CASKIN1: variants seen among roughly 807,000 people sequenced by gnomAD.
CASKIN1 encodes the protein caskin-1.
A neutral mutation model predicts 117.5 loss-of-function variants in CASKIN1; 42 were observed. The observed-to-expected ratio is 0.36, with a 90% CI of 0.28 to 0.46. The LOEUF (loss-of-function observed/expected upper bound fraction) is 0.46, where lower values mean the gene tolerates loss of function less well. Ranked by LOEUF, CASKIN1 falls within the 20% of genes least tolerant of loss-of-function variation. CASKIN1 has a pLI of 1.00. For missense variants in CASKIN1, 2,083 were observed against 2,077.3 expected (o/e 1.00, Z -0.05); for synonymous variants, 1,148 against 961.7 (o/e 1.19, Z -3.59).
chr16:2,178,653 G>A lies in CASKIN1; in HGVS notation c.4200-7C>T. On this transcript the variant is annotated splice_region_variant and splice_polypyrimidine_tract_variant and intron_variant, in intron 19 of 19. Transcript: ENST00000343516. ...CTTTTCCGCCGCCGAGTCGCTGCGG[G>A]GCGCGGGGCAAGGGGCGTGAGTGGG... The A allele has an allele frequency of 9.5e-6, 15 of 1,584,624 alleles. No homozygotes were observed. Among genetic ancestry groups the A allele is most frequent in the Non-Finnish European group, 1.3e-5 (15 of 1,172,782 alleles).
chr16:2,185,914 C>T (rs1233698846), intron 10 of CASKIN1, among the ~76,000 whole-genome samples: 1 of 152,262 alleles, frequency 6.6e-6, no homozygotes, highest in African/African-American at 2.4e-5. Flanking sequence ...CCAGCTCTTG[C>T]CTGCCTCAGC....
chr16:2,187,593 A>G (rs2093188691), intron 6 of CASKIN1, 132 bp from the exon 7 acceptor site: 2 of 684,066 alleles, frequency 2.9e-6, no homozygotes, highest in Non-Finnish European at 5.0e-6. Flanking sequence ...GCCCTGCCCC[A>G]TGTCTCTGAC....
rs769767843 is a variant in CASKIN1, at chr16:2,180,397, C to T, written c.2971G>A (p.Gly991Ser). ...CCGGCACTACCCGTGTCCACGCTGC[C>T]GGCCAGGTCACTGGCCCGCCGGCAC... ...AQCRRASDLA[G>S]SVDTGSAGSV... The change falls in exon 18 of 20, where the codon GGC (glycine) becomes AGC (serine). Residue 991 changes from glycine (G) to serine (S), a missense_variant. By Grantham distance (56) the Gly-to-Ser change is moderately conservative (BLOSUM62 0). This residue lies in a region of CASKIN1 where 1,818 missense variants were observed against 1,688.9 expected (regional missense o/e 1.08). Transcript: ENST00000343516. 1.2e-4 allele frequency: 183 copies of T among 1,580,924 alleles called. No individual in the cohort carries two copies. Among genetic ancestry groups the T allele is most frequent in the South Asian group, 3.3e-4 (29 of 88,558 alleles).
Position 2,178,345 on chromosome 16 carries a change from C to T in CASKIN1, c.*205G>A, listed in dbSNP as rs1243352450. ...GGGAGCAGCAGGTGGGGAGGACCCG[C>T]GGGCGCAGGGTCTGCCTAGAGCCCT... is the stretch of plus-strand genomic sequence containing the variant. On this transcript the variant is annotated 3_prime_UTR_variant, in exon 20 of 20. Transcript: ENST00000343516. 1.1e-5 allele frequency: 5 copies of T among 453,400 alleles called. No homozygotes were observed. In the East Asian group the frequency reaches 2.1e-4, roughly 19 times the overall value. The allele number at this position is 453,400 out of a possible 1,614,324, so 28.1% of individuals were successfully genotyped here.
rs895253177 is a variant in CASKIN1 at position 2,186,882 on chromosome 16, C to A, written c.931-58G>T. On this transcript the variant is annotated intron_variant, in intron 9 of 19. Coordinates refer to ENST00000343516, the MANE Select transcript of CASKIN1 (RefSeq NM_020764.4). ...TGCCCCCTTTCGCAGAGTCTCCTGC[C>A]CAGTGCCCCCCAGTTGCGGCGGGAG... 3.2e-5 allele frequency: 51 copies of A among 1,603,662 alleles called. 1 individual carries two copies. In the Admixed American group the frequency reaches 8.0e-4, roughly 25 times the overall value.
At position 2,189,549 on chromosome 16, in the gene CASKIN1, T is replaced by G; in HGVS notation, c.260A>C (p.His87Pro). The change falls in exon 4 of 20, where the codon CAC becomes CCC. Residue 87 changes from histidine (H) to proline (P), a missense_variant. Physicochemically the swap from His to Pro is moderately conservative, Grantham distance 77. Transcript: ENST00000343516. The part of the protein sequence containing the change: ...IKDNKGMRPL[H>P]YAAWQGRKEP... ...CTTCCGGCCCTGCCAGGCCGCATAG[T>G]GCAGCGGCCGCATGCCTGGGGGGCG... The G allele has an allele frequency of 6.2e-7, 1 of 1,607,060 alleles. No homozygotes were observed. The highest frequency in any genetic ancestry group is 8.5e-7 in the Non-Finnish European group (1 of 1,177,598).
In CASKIN1 at chr16:2,182,940, G is replaced by A. The variant is rs529402780; in HGVS notation, c.1629+706C>T. On this transcript the variant is annotated intron_variant, in intron 16 of 19. Coordinates refer to ENST00000343516, the MANE Select transcript of CASKIN1 (RefSeq NM_020764.4). The surrounding 1 kb of genome is among the most constrained non-coding windows in gnomAD (Gnocchi z 4.1). ...CAAGTAGCTGGGACTATAGGCACCCGCCACCACGCCTGGCCAATTTTTGGT... is the reference window on the plus strand; with the variant it reads ...CAAGTAGCTGGGACTATAGGCACCCACCACCACGCCTGGCCAATTTTTGGT... 3.9e-5 allele frequency among the ~76,000 whole-genome samples: 6 copies of A among 152,294 alleles called. No individual in the cohort carries two copies. Among genetic ancestry groups the A allele is most frequent in the Non-Finnish European group, 5.9e-5 (4 of 68,018 alleles).
chr16:2,178,997 G>T lies in CASKIN1; in HGVS notation c.4104C>A (p.Ser1368Arg). 1 of 1,323,580 alleles carries T rather than the reference G, an allele frequency of 7.6e-7. No homozygotes were observed. The highest frequency in any genetic ancestry group is 3.5e-5 in the Admixed American group (1 of 28,394). 82.0% of individuals were successfully genotyped at this position (1,323,580 alleles called of 1,614,324 possible). The change falls in exon 19 of 20, where the codon AGC becomes AGA. Residue 1368 changes from serine to arginine, a missense_variant. Transcript: ENST00000343516. ...TTGTCTCCTCCAGTTTCTGCCGGGC[G>T]CTGTCCCCTGGCGAGGCGCCTTCGG... ...APPEGASPGD[S>R]ARQKLEETSA... is the part of the protein sequence containing the mutation.
intron 19 of CASKIN1, 69 bp from the exon 20 acceptor site, chr16:2,178,715 A>T (rs1036393347): frequency 1.6e-4 from 221 of 1,425,220 alleles, no homozygotes; most frequent in Admixed American, 2.3e-4. Context: ...CGACCAGGAC[A>T]CGCCCACGTC....
At chr16:2,181,965 G>A (rs2141315158) in intron 16 of CASKIN1, 36 bp from the exon 17 acceptor site, 1 of 1,608,810 alleles carries the variant, frequency 6.2e-7, no homozygotes, top group Non-Finnish European at 8.5e-7. Flanking sequence ...CACCTGGGCT[G>A]GCTGCCCGCA....
chr16:2,189,996 G>C (rs915282427), intron 3 of CASKIN1, 77 bp downstream of exon 3: 34 of 1,347,302 alleles, frequency 2.5e-5, no homozygotes, highest in Non-Finnish European at 1.0e-6. Flanking sequence ...CCTCAGCCAA[G>C]GATCCATGCA....
chr16:2,179,763 G>T lies in CASKIN1; in HGVS notation c.3605C>A (p.Pro1202His). 6.4e-7 allele frequency: 1 copy of T among 1,565,462 alleles called. No individual in the cohort carries two copies. Among genetic ancestry groups the T allele is most frequent in the Admixed American group, 1.8e-5 (1 of 54,454 alleles). The part of the protein sequence containing the change: ...PPPPPPAEPP[P>H]TDLAHLPPLP... ...TGGGGGTAGGTGCGCCAGGTCGGTGGGCGGGGGTTCGGCAGGCGGGGGCGG... is the reference window on the plus strand; with the variant it reads ...TGGGGGTAGGTGCGCCAGGTCGGTGTGCGGGGGTTCGGCAGGCGGGGGCGG... Residue 1202 changes from proline (P) to histidine (H), a missense_variant, in exon 18 of 20, where the codon CCC (proline) becomes CAC (histidine). Transcript: ENST00000343516. This position sits in a 1 kb window ranked among gnomAD's most constrained non-coding sequence, Gnocchi z 5.8.
rs2093174911 is a variant in CASKIN1, at chr16:2,183,692, T to C, written c.1583A>G (p.Glu528Gly). Residue 528 changes from glutamate to glycine, a missense_variant, in exon 16 of 20, where the codon GAG becomes GGG. Around this residue, in one of 3 missense-constraint regions of CASKIN1, gnomAD observed 1,818 missense variants for 1,688.9 expected, o/e 1.08. Transcript: ENST00000343516. The stretch of plus-strand genomic sequence containing the variant: ...GTCAGGGATGCTTAGGCCGCTGATC[T>C]CTGCCGCGATCTTCTTCCGGTGGCC... ...KPGHRKKIAA[E>G]ISGLSIPDWL... 1 of 1,613,268 alleles carries C rather than the reference T, an allele frequency of 6.2e-7. No individual in the cohort carries two copies. The highest frequency in any genetic ancestry group is 8.5e-7 in the Non-Finnish European group (1 of 1,179,984).
chr16:2,189,668 G>C, intron 3 of CASKIN1, 104 bp from the exon 4 acceptor site: 3 of 1,118,868 alleles, frequency 2.7e-6, no homozygotes, highest in Non-Finnish European at 3.7e-6. Context: ...TCCAACCCTG[G>C]GGGGTGGGAG....
Position 2,178,014 on chromosome 16 carries a change from T to G in CASKIN1, c.*536A>C. 2.4e-6 allele frequency: 1 copy of G among 420,194 alleles called. No homozygotes were observed. 26.0% of individuals were successfully genotyped at this position (420,194 alleles called of 1,614,324 possible). On this transcript the variant is annotated 3_prime_UTR_variant, in exon 20 of 20. Coordinates refer to ENST00000343516, the MANE Select transcript of CASKIN1 (RefSeq NM_020764.4). ...CTTTCAGTTGGTAAATGGTTTTCTA[T>G]AGAATCAATAATATTTCTTTCTTTA...
Position 2,177,209 on chromosome 16 carries a change from C to T in CASKIN1, c.*1341G>A, listed in dbSNP as rs554023423. ...TTTCCTGCTGTTTATTGACAGCCGA[C>T]GGCAGCGCCTTGCCCAGACCTCCCC... On this transcript the variant is annotated 3_prime_UTR_variant, in exon 20 of 20. Transcript: ENST00000343516. 4.1e-4 allele frequency: 101 copies of T among 244,550 alleles called. No individual in the cohort carries two copies. Among genetic ancestry groups the T allele is most frequent in the Admixed American group, 2.5e-3 (52 of 20,560 alleles). 15.1% of individuals were successfully genotyped at this position (244,550 alleles called of 1,614,324 possible). A position where few individuals can be genotyped will look rare whatever the true frequency, so the allele number is the denominator to read the frequency against.
chr16:2,185,153 G>A lies in CASKIN1; in HGVS notation c.1197C>T (p.Gly399=). Residue 399 remains glycine (G), a synonymous_variant, in exon 12 of 20, where the codon GGC becomes GGT. Transcript: ENST00000343516. The stretch of plus-strand genomic sequence containing the variant: ...CCGCGTGTAGGGCGTGACCCCCGCT[G>A]CCCCGGCCGCCAGCCATGCCGCTAA... ...GSISGMAGGR[G]SGGHALHAGS... is the part of the protein sequence containing the mutation. 6.2e-7 allele frequency: 1 copy of A among 1,608,542 alleles called. No individual in the cohort carries two copies. The highest frequency in any genetic ancestry group is 8.5e-7 in the Non-Finnish European group (1 of 1,179,536).
Position 2,181,451 on chromosome 16 carries a change from G to A in CASKIN1, c.1917C>T (p.Pro639=), listed in dbSNP as rs1341063861. The change falls in exon 18 of 20, where the codon CCC becomes CCT. Residue 639 remains proline, a synonymous_variant. Coordinates refer to ENST00000343516, the MANE Select transcript of CASKIN1 (RefSeq NM_020764.4). Reference sequence around the variant, plus strand: ...TAGGGGACTGGCAGTCGGCCGGTGTGGGCTCAGGCGGGGGCGGCGACTCGA... The same window carrying A: ...TAGGGGACTGGCAGTCGGCCGGTGTAGGCTCAGGCGGGGGCGGCGACTCGA... ...MAIESPPPPE[P]TPADCQSPKM... The A allele has an allele frequency of 1.2e-6, 2 of 1,612,080 alleles. No individual in the cohort carries two copies. Among genetic ancestry groups the A allele is most frequent in the Non-Finnish European group, 1.7e-6 (2 of 1,179,836 alleles).
rs2093161336 is a variant in CASKIN1, at chr16:2,179,967, T to C, written c.3401A>G (p.Gln1134Arg). Residue 1134 changes from glutamine to arginine, a missense_variant, in exon 18 of 20, where the codon CAG (glutamine) becomes CGG (arginine). Physicochemically the swap from Gln to Arg is conservative, Grantham distance 43. Around this residue, in one of 3 missense-constraint regions of CASKIN1, gnomAD observed 1,818 missense variants for 1,688.9 expected, o/e 1.08. Coordinates refer to ENST00000343516, the MANE Select transcript of CASKIN1 (RefSeq NM_020764.4). The surrounding 1 kb of genome is among the most constrained non-coding windows in gnomAD (Gnocchi z 5.8). Reference protein sequence around the residue: ...LKRRIRAKQNQQENVKFILTE... With the variant: ...LKRRIRAKQNRQENVKFILTE... ...CAGGATGAACTTGACGTTCTCCTGC[T>C]GGTTCTGCTTGGCCCGGATGCGCCT... 2 of 1,606,538 alleles carry C rather than the reference T, an allele frequency of 1.2e-6. No homozygotes were observed. The highest frequency in any genetic ancestry group is 1.7e-6 in the Non-Finnish European group (2 of 1,177,212).
Sources: allele counts gnomAD v4.1 joint callset (sites outside exome capture counted in the v4.1 genomes callset), GRCh38; gene constraint gnomAD v4.1.1; regional missense constraint gnomAD v4.1.1; non-coding constraint Gnocchi (gnomAD v3.1); transcripts MANE v1.5; gene names NCBI Gene and HGNC (gene_info 2026-07-23, HGNC 2026-07-21).